SHF: variants seen among roughly 807,000 people sequenced by gnomAD.
The protein encoded by SHF is SH2 domain-containing adapter protein F.
SHF carries 30 observed loss-of-function variants against 42.4 expected under a neutral mutation model. The observed-to-expected ratio is 0.71, with a 90% CI of 0.53 to 0.96. The LOEUF (loss-of-function observed/expected upper bound fraction) is 0.96, where lower values mean the gene tolerates loss of function less well. Among genes scored for constraint, SHF ranks in the 40% least tolerant of loss-of-function variants. The probability of loss-of-function intolerance (pLI) is 0.00; values close to 1 mark genes in which losing one functional copy is unlikely to be tolerated. For synonymous variants in SHF, 264 were observed against 269.9 expected, an observed-to-expected ratio of 0.98 and a Z score of 0.21; for missense variants, 598 against 634.0, an observed-to-expected ratio of 0.94 and a Z score of 0.61.
chr15:45,177,418 T>C (rs1234498809), intron 2 of SHF, among the ~76,000 whole-genome samples: 1 of 152,182 alleles, frequency 6.6e-6, no homozygotes, highest in Non-Finnish European at 1.5e-5. Context: ...ATCAACTTTA[T>C]CAGTAATAAA....
At position 45,187,948 on chromosome 15, in the gene SHF, A is replaced by T; in HGVS notation, c.4T>A (p.Leu2Ile). The T allele has an allele frequency of 1.8e-6, 2 of 1,099,268 alleles. No individual in the cohort carries two copies. The highest frequency in any genetic ancestry group is 5.0e-5 in the East Asian group (1 of 20,102). The allele number at this position is 1,099,268 out of a possible 1,614,324, so 68.1% of individuals were successfully genotyped here. ...CCAGCCGGAGGAGCTCCGCTCAGTA[A>T]CATGGGGCCAGCCAGACTGAGCGAG... M[L>I]LSGAPPAGSR... is the part of the protein sequence containing the mutation. The change falls in exon 1 of 7, where the codon TTA (leucine) becomes ATA (isoleucine). Residue 2 changes from leucine (L) to isoleucine (I), a missense_variant. Leu to Ile is a conservative substitution (Grantham distance 5). Transcript: ENST00000690270.
At chr15:45,200,873 C>T (rs1899068043) in exon 1 of SHF, 1 of 456,284 alleles carries the variant, frequency 2.2e-6, no homozygotes. Context: ...GGCCACCATT[C>T]GGGCGTCCTC....
At chr15:45,198,484 C>A in intron 2 of SHF, 1 of 366,114 alleles carries the variant, frequency 2.7e-6, no homozygotes, top group Non-Finnish European at 4.9e-6. Flanking sequence ...CCTCGGAGTG[C>A]CTCAGTTTTC....
chr15:45,197,872 G>A (rs1898915816), intron 2 of SHF, among the ~76,000 whole-genome samples: 1 of 151,562 alleles, frequency 6.6e-6, no homozygotes, highest in Non-Finnish European at 1.5e-5. Context: ...GGGCATGTTT[G>A]CGTTTTATGC....
chr15:45,194,906 G>A (rs560182578), intron 2 of SHF, among the ~76,000 whole-genome samples: 1 of 152,180 alleles, frequency 6.6e-6, no homozygotes, highest in South Asian at 2.1e-4. Flanking sequence ...ATGGCTCACT[G>A]TAGCCTCAAC....
At chr15:45,189,974 G>A (rs577917860), upstream of SHF, among the ~76,000 whole-genome samples, 35 of 152,298 alleles carry the variant, frequency 2.3e-4, no homozygotes, top group South Asian at 6.8e-3. Context: ...GTCAGACAGT[G>A]CTGCTTGTAT....
At chr15:45,194,021 G>A (rs1467377096) in intron 2 of SHF, among the ~76,000 whole-genome samples, 1 of 149,250 alleles carries the variant, frequency 6.7e-6, no homozygotes, top group African/African-American at 2.5e-5. Context: ...AGGATTGCTT[G>A]AGCCTGGGAG....
At chr15:45,188,110 C>G, upstream of SHF, 1 of 178,510 alleles carries the variant, frequency 5.6e-6, no homozygotes, top group Non-Finnish European at 1.1e-5. Flanking sequence ...TTCCTCCTCC[C>G]GTAGCTCGGA....
chr15:45,196,356 A>T (rs1456819859), intron 2 of SHF, among the ~76,000 whole-genome samples: 1 of 152,136 alleles, frequency 6.6e-6, no homozygotes, highest in Non-Finnish European at 1.5e-5. Context: ...GGCCTCCCGA[A>T]GTGCTGGGAT....
At position 45,196,679 on chromosome 15, in the gene SHF, C is replaced by T. The variant is rs539785763; in HGVS notation, c.303+2093G>A. Among the ~76,000 whole-genome samples the T allele has an allele frequency of 1.9e-3, 285 of 152,012 alleles. 1 individual carries two copies. Among genetic ancestry groups the T allele is most frequent in the African/African-American group, 6.6e-3 (274 of 41,504 alleles). On this transcript the variant is annotated intron_variant, in intron 2 of 7. Transcript: ENST00000290894. ...TTGGGAGGCCGAGGCGGGCAGAACA[C>T]GAGGTCAGGAGATCGAGACCATCCT...
At chr15:45,198,805 A>G (rs1898968170) in exon 2 of SHF, 1 of 1,613,812 alleles carries the variant, frequency 6.2e-7, no homozygotes, top group Non-Finnish European at 8.5e-7. Flanking sequence ...TGAGTCTGAT[A>G]ATGCGCAGGC....
rs751873468 is a variant in SHF, at chr15:45,168,050, C to T, written c.1364G>A (p.Ser455Asn). Residue 455 changes from serine (S) to asparagine (N), a missense_variant, in exon 7 of 7, where the codon AGC becomes AAC. Coordinates refer to ENST00000690270, the MANE Select transcript of SHF (RefSeq NM_001394037.1). The stretch of plus-strand genomic sequence containing the variant: ...GTGGTGCACAATTTCAGGGACGCTG[C>T]TGAAGGGCGGGCTGTTCTGGCCCAG... ...YVLGQNSPPF[S>N]SVPEIVHHYA... 1.2e-6 allele frequency: 2 copies of T among 1,613,658 alleles called. No individual in the cohort carries two copies. Among genetic ancestry groups the T allele is most frequent in the Admixed American group, 1.7e-5 (1 of 60,002 alleles).
chr15:45,167,950 A>G lies in SHF; in HGVS notation c.1464T>C (p.Leu488=). The change falls in exon 7 of 7, where the codon CTT becomes CTC. Residue 488 remains leucine (L), a synonymous_variant. Transcript: ENST00000690270. ...SLLYPVAIRT[L] ...TCACAGTGCCCTGGCTTCACATCTA[A>G]AGAGTCCGGATGGCCACAGGGTAGA... is the stretch of plus-strand genomic sequence containing the variant. 1 of 1,601,432 alleles carries G rather than the reference A, an allele frequency of 6.2e-7. No individual in the cohort carries two copies. The highest frequency in any genetic ancestry group is 8.5e-7 in the Non-Finnish European group (1 of 1,172,160).
intron 2 of SHF, among the ~76,000 whole-genome samples, chr15:45,198,071 G>A (rs1898922139): frequency 6.6e-6 from 1 of 151,794 alleles, no homozygotes; most frequent in South Asian, 2.1e-4. Context: ...ATGACCCAGA[G>A]CCTCCGTCTC....
chr15:45,191,190 G>A (rs889773020), upstream of SHF, among the ~76,000 whole-genome samples: 1 of 152,016 alleles, frequency 6.6e-6, no homozygotes, highest in Non-Finnish European at 1.5e-5. Flanking sequence ...TCAACCTCCC[G>A]CGTGTGATCC....
At chr15:45,195,861 C>T (rs1898846910) in intron 2 of SHF, among the ~76,000 whole-genome samples, 1 of 152,142 alleles carries the variant, frequency 6.6e-6, no homozygotes, top group Non-Finnish European at 1.5e-5. Context: ...TGTCTCCAGC[C>T]TTGTCTTGGG....
At chr15:45,191,977 A>C (rs1157665782), upstream of SHF, among the ~76,000 whole-genome samples, 3 of 150,988 alleles carry the variant, frequency 2.0e-5, no homozygotes, top group Non-Finnish European at 2.9e-5. Context: ...TTTACCCTTC[A>C]GCTAGATTCA....
intron 6 of SHF, chr15:45,171,598 C>G (rs1897490047): frequency 2.1e-6 from 1 of 476,382 alleles, no homozygotes. Context: ...ATCCCCCATC[C>G]ATTTCATTAG....
Position 45,187,823 on chromosome 15 carries a change from G to A in SHF, c.129C>T (p.Gly43=). ...GGAGCCACTTGGCTACTCCGCCGCT[G>A]CCGCCCCCTCCTGGGCCGGCTCCCG... The part of the protein sequence containing the change: ...GGAGAGPGGG[G]SGGVAKWLRE... Residue 43 remains glycine (G), a synonymous_variant, in exon 1 of 7, where the codon GGC becomes GGT. Coordinates refer to ENST00000690270, the MANE Select transcript of SHF (RefSeq NM_001394037.1). 2 of 930,474 alleles carry A rather than the reference G, an allele frequency of 2.1e-6. No homozygotes were observed. Among genetic ancestry groups the A allele is most frequent in the Non-Finnish European group, 1.4e-6 (1 of 721,980 alleles). The allele number at this position is 930,474 out of a possible 1,614,324, so 57.6% of individuals were successfully genotyped here.
Sources: allele counts gnomAD v4.1 joint callset (sites outside exome capture counted in the v4.1 genomes callset), GRCh38; gene constraint gnomAD v4.1.1; transcripts MANE v1.5; gene names NCBI Gene and HGNC (gene_info 2026-07-23, HGNC 2026-07-21).